Variants in PCDH15 observed in about 807,000 individuals in gnomAD.
PCDH15 encodes protocadherin-15.
Under a neutral mutation model 178.5 loss-of-function variants are expected in PCDH15, and 129 were observed. The ratio of observed to expected loss-of-function variants is 0.72; its 90% CI spans 0.63 to 0.84. PCDH15 has a LOEUF of 0.84. PCDH15 is among the 40% of genes least tolerant of loss of function. The pLI is 0.00. For synonymous variants in PCDH15, 800 were observed against 732.0 expected, an observed-to-expected ratio of 1.09 and a Z score of -1.50; for missense variants, 2,230 against 2,099.9, an observed-to-expected ratio of 1.06 and a Z score of -1.21.
intron 21 of PCDH15, among the ~76,000 whole-genome samples, chr10:53,989,103 G>A (rs2091300344): frequency 6.6e-6 from 1 of 152,172 alleles, no homozygotes; most frequent in African/African-American, 2.4e-5. Flanking sequence ...CCGCCTATGA[G>A]TGGTTAAAGT....
At chr10:54,231,005 T>A (rs2053999757) in intron 9 of PCDH15, among the ~76,000 whole-genome samples, 1 of 152,220 alleles carries the variant, frequency 6.6e-6, no homozygotes, top group Admixed American at 6.5e-5. Context: ...TTGATAGCTG[T>A]TAACATTTAC....
chr10:54,631,312 T>A (rs931934418), intron 2 of PCDH15, among the ~76,000 whole-genome samples: 33 of 152,328 alleles, frequency 2.2e-4, no homozygotes, highest in African/African-American at 7.9e-4. Context: ...CTGTGCTTCC[T>A]GTACAGCCTG....
chr10:54,765,775 C>T lies in PCDH15; in HGVS notation c.-29+35150G>A, dbSNP rs539596376. 4.6e-5 allele frequency among the ~76,000 whole-genome samples: 7 copies of T among 152,140 alleles called. No homozygotes were observed. In the South Asian group the frequency reaches 1.4e-3, roughly 32 times the overall value. On this transcript the variant is annotated intron_variant, in intron 1 of 37. Transcript: ENST00000644397. ...ATTAAGAAAGTCATCCAAAGCCATG[C>T]TGACTTCAAAGTACAGACTCTTTAC...
chr10:55,132,285 A>AATTATT (rs1838072121), intron 2 of PCDH15, among the ~76,000 whole-genome samples: 1 of 152,224 alleles, frequency 6.6e-6, no homozygotes. Flanking sequence ...TGCAAAACAG[A>AATTATT]ATTATTGCAC....
intron 2 of PCDH15, among the ~76,000 whole-genome samples, chr10:55,496,579 T>A (rs1405275792): frequency 2.6e-5 from 4 of 151,748 alleles, no homozygotes; most frequent in Non-Finnish European, 1.5e-5. Flanking sequence ...TTACAAATAA[T>A]CAAGTGAGGA....
At chr10:55,057,552 A>G (rs1841334621) in intron 2 of PCDH15, among the ~76,000 whole-genome samples, 1 of 152,150 alleles carries the variant, frequency 6.6e-6, no homozygotes, top group Admixed American at 6.5e-5. Flanking sequence ...TGCTGTGGGA[A>G]GCTTGAAGAC....
chr10:54,391,112 T>C (rs1950499972), intron 3 of PCDH15, among the ~76,000 whole-genome samples: 1 of 152,188 alleles, frequency 6.6e-6, no homozygotes, highest in Non-Finnish European at 1.5e-5. Context: ...TTCTCAAGTA[T>C]ATAGAGAATA....
chr10:55,573,406 G>A (rs2132112131), intron 2 of PCDH15, among the ~76,000 whole-genome samples: 1 of 152,176 alleles, frequency 6.6e-6, no homozygotes, highest in South Asian at 2.1e-4. Context: ...TGTCTTTCAA[G>A]ATGAAGCTTC....
intron 2 of PCDH15, among the ~76,000 whole-genome samples, chr10:55,414,770 GGTGTGTGTGTGTGTGTGTGT>G (rs71014486): frequency 6.8e-6 from 1 of 146,868 alleles, no homozygotes; most frequent in Non-Finnish European, 1.5e-5. Context: ...TCTAACAAGG[GGTGTGTGTGTGTGTGTGTGT>G]GTGTGTGTGT....
chr10:55,245,457 G>A (rs1301657811), intron 1 of PCDH15, among the ~76,000 whole-genome samples: 2 of 152,094 alleles, frequency 1.3e-5, no homozygotes, highest in East Asian at 3.9e-4. Flanking sequence ...AAATTTCAAT[G>A]TTGTATGCTT....
chr10:54,575,927 T>C (rs1266601715), intron 2 of PCDH15, among the ~76,000 whole-genome samples: 2 of 152,172 alleles, frequency 1.3e-5, no homozygotes, highest in African/African-American at 2.4e-5. Context: ...GTAACTACAG[T>C]TTTGCCCATG....
intron 28 of PCDH15, among the ~76,000 whole-genome samples, chr10:53,849,627 G>A (rs911082417): frequency 6.6e-6 from 1 of 152,080 alleles, no homozygotes; most frequent in African/African-American, 2.4e-5. Flanking sequence ...CACTTTGGGA[G>A]GCTGAGGCAG....
At chr10:54,264,553 T>C (rs1297309678) in intron 8 of PCDH15, among the ~76,000 whole-genome samples, 1 of 152,086 alleles carries the variant, frequency 6.6e-6, no homozygotes, top group Non-Finnish European at 1.5e-5. Flanking sequence ...AACATAGCTA[T>C]ATTAAGAAAG....
intron 3 of PCDH15, among the ~76,000 whole-genome samples, chr10:54,890,704 T>C (rs2131815575): frequency 6.6e-6 from 1 of 152,128 alleles, no homozygotes; most frequent in East Asian, 1.9e-4. Context: ...CCATTTGTCT[T>C]TATCCATCAA....
upstream of PCDH15, among the ~76,000 whole-genome samples, chr10:54,802,803 C>T (rs1952706489): frequency 6.6e-6 from 1 of 152,122 alleles, no homozygotes; most frequent in Non-Finnish European, 1.5e-5. Context: ...AATGACAATT[C>T]AGCCTCATTC....
intron 1 of PCDH15, among the ~76,000 whole-genome samples, chr10:55,244,048 A>G (rs1370992489): frequency 7.2e-5 from 11 of 152,116 alleles, no homozygotes; most frequent in Admixed American, 6.5e-4. Context: ...ATTAATGTCA[A>G]TTAAACATCT....
At chr10:54,127,930 A>G (rs1252700895) in intron 15 of PCDH15, among the ~76,000 whole-genome samples, 1 of 152,112 alleles carries the variant, frequency 6.6e-6, no homozygotes, top group African/African-American at 2.4e-5. Flanking sequence ...TTTTTAAATT[A>G]TTTTCTTCAT....
chr10:54,178,647 G>A (rs556061355), intron 13 of PCDH15, among the ~76,000 whole-genome samples: 6 of 151,986 alleles, frequency 3.9e-5, no homozygotes, highest in Admixed American at 2.0e-4. Context: ...AGGATCAGAG[G>A]ACTCAACTTT....
chr10:55,345,457 G>T (rs1844728043), intron 2 of PCDH15, among the ~76,000 whole-genome samples: 1 of 151,898 alleles, frequency 6.6e-6, no homozygotes, highest in Non-Finnish European at 1.5e-5. Context: ...TAACTATATA[G>T]CACCACTTCA....
Sources: allele counts gnomAD v4.1 joint callset (sites outside exome capture counted in the v4.1 genomes callset), GRCh38; gene constraint gnomAD v4.1.1; transcripts MANE v1.5; gene names NCBI Gene and HGNC (gene_info 2026-07-23, HGNC 2026-07-21).